MAK: variants seen among roughly 807,000 people sequenced by gnomAD.
The protein encoded by MAK is male germ cell associated kinase.
Under a neutral mutation model 82.6 loss-of-function variants are expected in MAK, and 65 were observed. The ratio of observed to expected loss-of-function variants is 0.79; its 90% CI spans 0.64 to 0.97. MAK has a LOEUF of 0.97. MAK is among the 50% of genes least tolerant of loss of function. The pLI is 0.00. For missense variants in MAK, 703 were observed against 780.2 expected, an observed-to-expected ratio of 0.90 and a Z score of 1.18; for synonymous variants, 250 against 274.2, an observed-to-expected ratio of 0.91 and a Z score of 0.87.
In MAK at chr6:10,784,572, C is replaced by G. The variant is rs762462087; in HGVS notation, c.1317G>C (p.Arg439=). 4 of 1,613,722 alleles carry G rather than the reference C, an allele frequency of 2.5e-6. No homozygotes were observed. The Admixed American group carries it at 6.7e-5, about 27-fold the overall frequency. Residue 439 remains arginine, a splice_region_variant and synonymous_variant, in exon 11 of 15, where the codon CGG becomes CGC. Coordinates refer to ENST00000354489, the MANE Select transcript of MAK (RefSeq NM_001242957.3). Reference sequence around the variant, plus strand: ...AGCCTGAGGGTACTGGCTCTGGAAGCCTTGAAAGCCAATGAAAGGTAGCAT... The same window carrying G: ...AGCCTGAGGGTACTGGCTCTGGAAGGCTTGAAAGCCAATGAAAGGTAGCAT... ...KEKRKKDSPF[R]LPEPVPSGSN...
rs528466092 is a variant in MAK at position 10,838,519 on chromosome 6, T to G, written c.-246A>C. On this transcript the variant is annotated 5_prime_UTR_variant, in exon 1 of 15. Coordinates refer to ENST00000354489, the MANE Select transcript of MAK (RefSeq NM_001242957.3). ...GCTGCTTACCTCGTTCGCTCCCTTG[T>G]GAAGCTCCGGCGTCTTGTGTGTTTC... 1 of 152,376 alleles carries G rather than the reference T, an allele frequency of 6.6e-6. No individual in the cohort carries two copies. Among genetic ancestry groups the G allele is most frequent in the South Asian group, 2.1e-4 (1 of 4,826 alleles). The allele number at this position is 152,376 out of a possible 1,614,324, so 9.4% of individuals were successfully genotyped here.
In MAK at chr6:10,796,037, T is replaced by C. The variant is rs1310992396; in HGVS notation, c.1104A>G (p.Pro368=). The change falls in exon 9 of 15, where the codon CCA becomes CCG. Residue 368 remains proline (P), a synonymous_variant. Coordinates refer to ENST00000354489, the MANE Select transcript of MAK (RefSeq NM_001242957.3). The part of the protein sequence containing the change: ...PPKQQSQEKP[P]QTLFPSIVKN... The stretch of plus-strand genomic sequence containing the variant: ...TGACGATGCTCGGGAATAGCGTTTG[T>C]GGCGGTTTCTCCTGACTCTGTTGCT... The C allele has an allele frequency of 6.2e-7, 1 of 1,614,122 alleles. No homozygotes were observed. The highest frequency in any genetic ancestry group is 8.5e-7 in the Non-Finnish European group (1 of 1,179,962).
intron 14 of MAK, 168 bp downstream of exon 14, chr6:10,769,943 C>G (rs1284373502): frequency 5.3e-6 from 7 of 1,312,428 alleles, no homozygotes; most frequent in Non-Finnish European, 6.2e-6. Flanking sequence ...CTCAAATCCT[C>G]ATTTTTGGAA....
At chr6:10,779,977 C>T (rs543323466) in intron 11 of MAK, among the ~76,000 whole-genome samples, 2 of 152,280 alleles carry the variant, frequency 1.3e-5, no homozygotes, top group Admixed American at 1.3e-4. Context: ...CGTGAGCCAC[C>T]GCACCCGGCC....
At chr6:10,834,366 G>A (rs1336097545) in intron 1 of MAK, among the ~76,000 whole-genome samples, 1 of 152,230 alleles carries the variant, frequency 6.6e-6, no homozygotes, top group East Asian at 1.9e-4. Context: ...GAGAATCAAC[G>A]ATGGAGTCAA....
At chr6:10,815,912 G>GTATATA (rs3064109) in intron 4 of MAK, among the ~76,000 whole-genome samples, 1,494 of 107,990 alleles carry the variant, frequency 0.014, 32 homozygotes, top group Middle Eastern at 0.036. Flanking sequence ...GCTTTATACA[G>GTATATA]TATATATATA....
At chr6:10,769,916 CTT>C (rs1348322680) in intron 14 of MAK, among the ~76,000 whole-genome samples, 193 bp downstream of exon 14, 1 of 152,116 alleles carries the variant, frequency 6.6e-6, no homozygotes, top group Non-Finnish European at 1.5e-5. Flanking sequence ...AGTGGTAGCT[CTT>C]ATAATTATTA....
rs190009855 is a variant in MAK, at chr6:10,782,647, C to T, written c.1465+1777G>A. 2.1e-3 allele frequency among the ~76,000 whole-genome samples: 316 copies of T among 148,658 alleles called. 1 individual carries two copies. The highest frequency in any genetic ancestry group is 7.3e-3 in the African/African-American group (294 of 40,104). ...ATGCTGGAGTGCAGCGGTGCCATCT[C>T]GGCTCACTGCAACCTCCACCTCCTG... On this transcript the variant is annotated intron_variant, in intron 11 of 14. Transcript: ENST00000354489.
rs1775542765 is a variant in MAK at position 10,796,198 on chromosome 6, A to T, written c.943T>A (p.Ser315Thr). The T allele has an allele frequency of 6.2e-7, 1 of 1,614,180 alleles. No individual in the cohort carries two copies. The part of the protein sequence containing the change: ...KQLQPLESKP[S>T]LVEVEPKPLP... ...GGCTTAGGCTCTACCTCAACTAAAG[A>T]TGGCTTTGATTCTAATGGTTGCAGC... Residue 315 changes from serine to threonine, a missense_variant, in exon 9 of 15, where the codon TCT (serine) becomes ACT (threonine). Coordinates refer to ENST00000354489, the MANE Select transcript of MAK (RefSeq NM_001242957.3).
At chr6:10,798,508 A>C (rs1267548645) in intron 8 of MAK, among the ~76,000 whole-genome samples, 4 of 152,112 alleles carry the variant, frequency 2.6e-5, no homozygotes, top group African/African-American at 9.7e-5. Context: ...TTTCCTATTT[A>C]CTTAAGGGAA....
At chr6:10,813,605 T>C (rs1777231193) in intron 5 of MAK, 39 bp downstream of exon 5, 1 of 1,093,262 alleles carries the variant, frequency 9.1e-7, no homozygotes, top group Admixed American at 1.7e-5. Flanking sequence ...TGGACAGTAA[T>C]CTAAAGAGGT....
intron 9 of MAK, among the ~76,000 whole-genome samples, chr6:10,794,767 T>C (rs902636100): frequency 6.6e-6 from 1 of 151,948 alleles, no homozygotes. Flanking sequence ...CCAAGGAGGG[T>C]GGATCACCTG....
chr6:10,799,406 C>A (rs950201815), intron 8 of MAK, among the ~76,000 whole-genome samples: 9 of 152,048 alleles, frequency 5.9e-5, no homozygotes, highest in African/African-American at 2.2e-4. Context: ...TTTTAAAATA[C>A]ATTTGAAAAA....
At chr6:10,801,737 A>G (rs1395127650) in intron 8 of MAK, among the ~76,000 whole-genome samples, 155 bp downstream of exon 8, 1 of 152,186 alleles carries the variant, frequency 6.6e-6, no homozygotes, top group Non-Finnish European at 1.5e-5. Flanking sequence ...ATGCCTAGAA[A>G]TTAATTTATT....
intron 1 of MAK, chr6:10,838,077 CCT>C (rs1307232952): frequency 1.3e-5 from 2 of 152,522 alleles, no homozygotes; most frequent in Non-Finnish European, 2.9e-5. Context: ...CCCAATCCTG[CCT>C]CTCTGTCCTA....
intron 5 of MAK, among the ~76,000 whole-genome samples, chr6:10,813,128 ATATATAAATTTTTT>A (rs1777159672): frequency 0.013 from 9 of 684 alleles, no homozygotes; most frequent in African/African-American, 0.015. Context: ...ATATATATAT[ATATATAAATTTTTT>A]TTTTTTTTTT....
intron 14 of MAK, 35 bp from the exon 15 acceptor site, chr6:10,764,641 C>T: frequency 6.3e-7 from 1 of 1,590,718 alleles, no homozygotes; most frequent in East Asian, 2.2e-5. Context: ...CAGGGTTTTA[C>T]TCATTTGCTT....
chr6:10,787,056 C>T (rs1188356323), intron 10 of MAK, among the ~76,000 whole-genome samples: 1 of 142,834 alleles, frequency 7.0e-6, no homozygotes, highest in African/African-American at 2.9e-5. Flanking sequence ...TGCACCAGTT[C>T]ACCTCCTATT....
At chr6:10,791,964 T>C (rs521802) in intron 9 of MAK, 117 bp from the exon 10 acceptor site, 855,157 of 1,093,914 alleles carry the variant, frequency 0.78, 334,634 homozygotes, top group East Asian at 0.85. Context: ...GTTCCATACA[T>C]GTAAGGGCAT....
Sources: allele counts gnomAD v4.1 joint callset (sites outside exome capture counted in the v4.1 genomes callset), GRCh38; gene constraint gnomAD v4.1.1; transcripts MANE v1.5; gene names NCBI Gene and HGNC (gene_info 2026-07-23, HGNC 2026-07-21).